DHX8: variants seen among roughly 807,000 people sequenced by gnomAD.
DHX8 encodes the protein ATP-dependent RNA helicase DHX8.
In DHX8, 67 loss-of-function variants were observed where a neutral mutation model predicts 140.7. That is an observed-to-expected ratio of 0.48 (90% CI 0.39 to 0.58). The LOEUF (loss-of-function observed/expected upper bound fraction) is 0.58, where lower values mean the gene tolerates loss of function less well. DHX8 is among the 20% of genes least tolerant of loss of function. The pLI is 0.00. For synonymous variants in DHX8, 533 were observed against 553.2 expected (o/e 0.96, Z 0.51); for missense variants, 887 against 1,550.7 (o/e 0.57, Z 7.19).
chr17:43,496,938 T>G (rs9894910), intron 9 of DHX8, among the ~76,000 whole-genome samples: 1 of 152,016 alleles, frequency 6.6e-6, no homozygotes, highest in African/African-American at 2.4e-5. Flanking sequence ...ATGACTTTTT[T>G]GAAATTATGA....
chr17:43,494,381 C>G (rs566367019), intron 8 of DHX8, among the ~76,000 whole-genome samples: 10 of 152,226 alleles, frequency 6.6e-5, no homozygotes, highest in African/African-American at 2.2e-4. Flanking sequence ...TGCCTCAGTA[C>G]CCTTTTCTAT....
chr17:43,508,565 T>A (rs1969616406), intron 16 of DHX8, 45 bp downstream of exon 16: 12 of 1,394,976 alleles, frequency 8.6e-6, no homozygotes, highest in Non-Finnish European at 1.2e-5. Context: ...TGAAACCATG[T>A]GTTGTGTGCA....
At chr17:43,505,160 G>A (rs1969419201) in intron 12 of DHX8, among the ~76,000 whole-genome samples, 1 of 151,766 alleles carries the variant, frequency 6.6e-6, no homozygotes, top group Non-Finnish European at 1.5e-5. Context: ...CCTGTAATCC[G>A]GCACTTTGGG....
chr17:43,529,030 C>T, downstream of DHX8: 1 of 1,079,310 alleles, frequency 9.3e-7, no homozygotes, highest in South Asian at 1.3e-5. Context: ...GATTCATTAT[C>T]TGATCCTACA....
At chr17:43,538,402 T>C (rs1196192612) in intron 3 of DHX8, among the ~76,000 whole-genome samples, 12 of 152,014 alleles carry the variant, frequency 7.9e-5, no homozygotes, top group African/African-American at 2.9e-4. Flanking sequence ...ACTGGCTGAG[T>C]ACATAGGTGC....
chr17:43,527,710 G>A (rs972577529), downstream of DHX8: 7 of 194,250 alleles, frequency 3.6e-5, no homozygotes, highest in Non-Finnish European at 5.4e-5. Flanking sequence ...CAGGTGAACT[G>A]CCTTTTTTCA....
chr17:43,538,863 G>A (rs1162900748), intron 3 of DHX8, among the ~76,000 whole-genome samples: 3 of 152,152 alleles, frequency 2.0e-5, no homozygotes. Context: ...ATTGGACAAT[G>A]GGGAAACTGA....
At position 43,525,112 on chromosome 17, in the gene DHX8, T is replaced by TG; in HGVS notation, c.*1267dup. 2 of 985,444 alleles carry TG rather than the reference T, an allele frequency of 2.0e-6. No homozygotes were observed. The highest frequency in any genetic ancestry group is 2.4e-6 in the Non-Finnish European group (2 of 829,948). 61.0% of individuals were successfully genotyped at this position (985,444 alleles called of 1,614,324 possible). ...CTCTGCACTGAGGAGGCTCCTTACC[T>TG]GGCGGAACATCAGGCAGGTCTTGCC... On this transcript the variant is annotated 3_prime_UTR_variant, in exon 23 of 23. Transcript: ENST00000262415.
chr17:43,501,184 T>G (rs1169827387), intron 11 of DHX8, among the ~76,000 whole-genome samples: 1 of 152,078 alleles, frequency 6.6e-6, no homozygotes, highest in Non-Finnish European at 1.5e-5. Flanking sequence ...GCAGTGTAAT[T>G]GACTGTGGTG....
At chr17:43,498,160 T>C (rs2154586499) in intron 9 of DHX8, among the ~76,000 whole-genome samples, 1 of 152,028 alleles carries the variant, frequency 6.6e-6, no homozygotes, top group South Asian at 2.1e-4. Flanking sequence ...TTTTTTTAAT[T>C]TGAGACGGGG....
Position 43,484,060 on chromosome 17 carries a change from C to T in DHX8, c.23C>T (p.Ala8Val), listed in dbSNP as rs550791817. 125 of 1,614,154 alleles carry T rather than the reference C, an allele frequency of 7.7e-5. No homozygotes were observed. Among genetic ancestry groups the T allele is most frequent in the Admixed American group, 2.8e-4 (17 of 60,006 alleles). MAVAVAM[A>V]GALIGSEPGP... Reference sequence around the variant, plus strand: ...GCCATGGCTGTGGCTGTAGCCATGGCGGGAGCCTTAATCGGGTCGGAGCCA... The same window carrying T: ...GCCATGGCTGTGGCTGTAGCCATGGTGGGAGCCTTAATCGGGTCGGAGCCA... The change falls in exon 1 of 23, where the codon GCG becomes GTG. Residue 8 changes from alanine (A) to valine (V), a missense_variant. By Grantham distance (64) the Ala-to-Val change is moderately conservative. Coordinates refer to ENST00000262415, the MANE Select transcript of DHX8 (RefSeq NM_004941.3).
In DHX8 at chr17:43,525,472, C is replaced by T. The variant is rs991630934; in HGVS notation, c.*1625C>T. ...GCCCCTTCATTAAGCTGAGTGCCTC[C>T]TGATTCTGTCTGAGTATTCGCCTTT... On this transcript the variant is annotated 3_prime_UTR_variant, in exon 23 of 23. Transcript: ENST00000262415. 2.3e-5 allele frequency: 23 copies of T among 985,296 alleles called. No homozygotes were observed. The highest frequency in any genetic ancestry group is 5.2e-4 in the Middle Eastern group (1 of 1,936). The allele number at this position is 985,296 out of a possible 1,614,324, so 61.0% of individuals were successfully genotyped here.
chr17:43,515,534 A>C (rs145172168), intron 17 of DHX8, among the ~76,000 whole-genome samples: 168 of 152,308 alleles, frequency 1.1e-3, no homozygotes, highest in African/African-American at 3.8e-3. Context: ...AGATACATGC[A>C]TTGACTTGGT....
At position 43,521,521 on chromosome 17, in the gene DHX8, C is replaced by T; in HGVS notation, c.3219C>T (p.Arg1073=). Residue 1073 remains arginine (R), a synonymous_variant, in exon 21 of 23, where the codon CGC becomes CGT. Coordinates refer to ENST00000262415, the MANE Select transcript of DHX8 (RefSeq NM_004941.3). ...YENFIQARSL[R]RAQDIRKQML... Reference sequence around the variant, plus strand: ...ACTTTATCCAGGCTCGTTCCCTGCGCCGGGCCCAGGACATTCGCAAGCAGA... The same window carrying T: ...ACTTTATCCAGGCTCGTTCCCTGCGTCGGGCCCAGGACATTCGCAAGCAGA... 6.2e-7 allele frequency: 1 copy of T among 1,613,806 alleles called. No homozygotes were observed. Among genetic ancestry groups the T allele is most frequent in the Non-Finnish European group, 8.5e-7 (1 of 1,179,920 alleles).
intron 3 of DHX8, among the ~76,000 whole-genome samples, chr17:43,539,591 C>A (rs910924613): frequency 2.6e-5 from 4 of 152,214 alleles, no homozygotes; most frequent in South Asian, 2.1e-4. Context: ...TTAGAGTAGA[C>A]GCTCAGTGCT....
rs893363543 is a variant in DHX8, at chr17:43,525,102, G to C, written c.*1255G>C. 8 of 985,296 alleles carry C rather than the reference G, an allele frequency of 8.1e-6. No individual in the cohort carries two copies. The African/African-American group carries it at 1.4e-4, about 17-fold the overall frequency. 61.0% of individuals were successfully genotyped at this position (985,296 alleles called of 1,614,324 possible). On this transcript the variant is annotated 3_prime_UTR_variant, in exon 23 of 23. Coordinates refer to ENST00000262415, the MANE Select transcript of DHX8 (RefSeq NM_004941.3). The stretch of plus-strand genomic sequence containing the variant: ...AGCCACTGTCCTCTGCACTGAGGAG[G>C]CTCCTTACCTGGCGGAACATCAGGC...
chr17:43,510,992 G>T (rs1233453698), intron 16 of DHX8, among the ~76,000 whole-genome samples: 1 of 151,980 alleles, frequency 6.6e-6, no homozygotes, highest in African/African-American at 2.4e-5. Context: ...GAATACTGTT[G>T]TGTTGTATGG....
In DHX8 at chr17:43,522,184, A is replaced by T. The variant is rs1970407204; in HGVS notation, c.3401A>T (p.Tyr1134Phe). Residue 1134 changes from tyrosine (Y) to phenylalanine (F), a missense_variant, in exon 22 of 23, where the codon TAT becomes TTT. This residue lies in a region of DHX8 where 101 missense variants were observed against 168.2 expected (regional missense o/e 0.60). Transcript: ENST00000262415. ...ACACTGATCGACCAGCAGGTGGTCT[A>T]TATCCATCCTTCCAGTGCCCTCTTC... The part of the protein sequence containing the change: ...YRTLIDQQVV[Y>F]IHPSSALFNR... 1 of 1,613,942 alleles carries T rather than the reference A, an allele frequency of 6.2e-7. No homozygotes were observed. Among genetic ancestry groups the T allele is most frequent in the Non-Finnish European group, 8.5e-7 (1 of 1,179,978 alleles).
intron 16 of DHX8, among the ~76,000 whole-genome samples, chr17:43,511,184 G>A (rs1187969561): frequency 6.6e-6 from 1 of 152,060 alleles, no homozygotes; most frequent in African/African-American, 2.4e-5. Flanking sequence ...ACAAAAATTA[G>A]CCAGGCGTGG....
Sources: allele counts gnomAD v4.1 joint callset (sites outside exome capture counted in the v4.1 genomes callset), GRCh38; gene constraint gnomAD v4.1.1; regional missense constraint gnomAD v4.1.1; transcripts MANE v1.5; gene names NCBI Gene and HGNC (gene_info 2026-07-23, HGNC 2026-07-21).